Variants in HPSE observed in about 807,000 individuals in gnomAD.
HPSE encodes heparanase.
In HPSE, 48 loss-of-function variants were observed where a neutral mutation model predicts 65.1. The observed-to-expected ratio is 0.74, with a 90% CI of 0.58 to 0.94. The LOEUF (loss-of-function observed/expected upper bound fraction) is 0.94, where lower values mean the gene tolerates loss of function less well. HPSE is among the 40% of genes least tolerant of loss of function. The pLI is 0.00. For synonymous variants in HPSE, 243 were observed against 260.0 expected (o/e 0.93, Z 0.63); for missense variants, 644 against 637.5 (o/e 1.01, Z -0.11).
intron 3 of HPSE, among the ~76,000 whole-genome samples, chr4:83,314,328 A>G (rs986774237): frequency 1.6e-4 from 24 of 152,142 alleles, no homozygotes; most frequent in African/African-American, 5.8e-4. Flanking sequence ...GAAAAAAATT[A>G]TTTATCTGAA....
At chr4:83,297,598 G>C (rs971386618) in intron 11 of HPSE, among the ~76,000 whole-genome samples, 1 of 152,106 alleles carries the variant, frequency 6.6e-6, no homozygotes, top group East Asian at 1.9e-4. Context: ...TCCTCATTAA[G>C]CATCAGTGAG....
At chr4:83,298,399 G>A (rs1421753043) in intron 11 of HPSE, among the ~76,000 whole-genome samples, 2 of 152,128 alleles carry the variant, frequency 1.3e-5, no homozygotes, top group African/African-American at 2.4e-5. Flanking sequence ...CACTTTGGGC[G>A]GCTAAGGCAG....
At chr4:83,314,933 A>T (rs1463592390) in intron 3 of HPSE, among the ~76,000 whole-genome samples, 1 of 152,020 alleles carries the variant, frequency 6.6e-6, no homozygotes, top group East Asian at 1.9e-4. Context: ...AGGCAGGTGG[A>T]TCACCTGAGG....
chr4:83,306,154 G>C (rs1439549822), intron 9 of HPSE, 49 bp downstream of exon 9: 3 of 1,120,144 alleles, frequency 2.7e-6, no homozygotes, highest in East Asian at 2.4e-5. Flanking sequence ...GAGGTCCTGA[G>C]TTGACTTTAA....
chr4:83,301,130 A>G (rs1735933437), intron 10 of HPSE, 24 bp from the exon 11 acceptor site: 1 of 1,466,158 alleles, frequency 6.8e-7, no homozygotes, highest in African/African-American at 1.4e-5. Flanking sequence ...GGTTAACTTA[A>G]TAGAAATATG....
Position 83,306,277 on chromosome 4 carries a change from C to A in HPSE, c.1132G>T (p.Glu378Ter). Residue 378 changes from glutamate to a stop codon, truncating the protein, a stop_gained, in exon 9 of 12, where the codon GAA becomes TAA. Transcript: ENST00000311412. LOFTEE classifies it high-confidence loss of function. Reference sequence around the variant, plus strand: ...AAGAATACTTGCCTCATCACCACTTCTATTCCCATTCGGGCTGACAGGCCC... The same window carrying A: ...AAGAATACTTGCCTCATCACCACTTATATTCCCATTCGGGCTGACAGGCCC... ...KLGLSARMGI[E>*]VVMRQVFFGA... 6.2e-7 allele frequency: 1 copy of A among 1,613,926 alleles called. No individual in the cohort carries two copies. Among genetic ancestry groups the A allele is most frequent in the Non-Finnish European group, 8.5e-7 (1 of 1,179,786 alleles).
chr4:83,318,034 A>AT (rs1736722493), intron 3 of HPSE, among the ~76,000 whole-genome samples: 1 of 152,170 alleles, frequency 6.6e-6, no homozygotes, highest in Non-Finnish European at 1.5e-5. Context: ...TATGGAACAC[A>AT]TTTTTTTCTG....
chr4:83,312,862 A>AT (rs1403140649), intron 4 of HPSE, among the ~76,000 whole-genome samples: 1 of 134,922 alleles, frequency 7.4e-6, no homozygotes, highest in East Asian at 2.1e-4. Context: ...AAAAAAAAAA[A>AT]AAAAAAAAAA....
At chr4:83,325,057 G>A (rs1737090146) in intron 1 of HPSE, among the ~76,000 whole-genome samples, 1 of 151,840 alleles carries the variant, frequency 6.6e-6, no homozygotes, top group African/African-American at 2.4e-5. Context: ...CTAGATGGTA[G>A]ACTTTTTCAT....
intron 3 of HPSE, among the ~76,000 whole-genome samples, chr4:83,314,193 G>A (rs1430119217): frequency 6.6e-6 from 1 of 150,980 alleles, no homozygotes; most frequent in Admixed American, 6.6e-5. Flanking sequence ...GGGAGGTCAA[G>A]GCTGCAGTGA....
intron 11 of HPSE, among the ~76,000 whole-genome samples, chr4:83,300,327 A>G (rs994652477): frequency 6.6e-6 from 1 of 152,234 alleles, no homozygotes; most frequent in Non-Finnish European, 1.5e-5. Flanking sequence ...TTTGATAGCA[A>G]TTATATAAAG....
intron 1 of HPSE, among the ~76,000 whole-genome samples, chr4:83,324,644 A>T (rs1219318991): frequency 6.6e-6 from 1 of 152,234 alleles, no homozygotes; most frequent in Non-Finnish European, 1.5e-5. Flanking sequence ...GAAGGATGGC[A>T]TCTGTCATGG....
At position 83,293,111 on chromosome 4, in the gene HPSE, G is replaced by A. The variant is rs1347705182; in HGVS notation, c.*2233C>T. 6.6e-6 allele frequency: 1 copy of A among 152,144 alleles called. No individual in the cohort carries two copies. The highest frequency in any genetic ancestry group is 1.5e-5 in the Non-Finnish European group (1 of 68,036). The allele number at this position is 152,144 out of a possible 1,614,324, so 9.4% of individuals were successfully genotyped here. A position where few individuals can be genotyped will look rare whatever the true frequency, so the allele number is the denominator to read the frequency against. On this transcript the variant is annotated 3_prime_UTR_variant, in exon 12 of 12. Coordinates refer to ENST00000311412, the MANE Select transcript of HPSE (RefSeq NM_001098540.3). ...TTACATTTTTTCACTGGTAAAAAGC[G>A]CAGAACTGCAGTGTTCAGTTTGTAG...
intron 1 of HPSE, among the ~76,000 whole-genome samples, chr4:83,333,782 A>G (rs1453778248): frequency 6.6e-6 from 1 of 151,730 alleles, no homozygotes; most frequent in Non-Finnish European, 1.5e-5. Context: ...GTAGTCTCCT[A>G]GGTCTCATTT....
intron 3 of HPSE, among the ~76,000 whole-genome samples, chr4:83,318,495 G>A (rs886812629): frequency 7.2e-5 from 11 of 151,982 alleles, no homozygotes; most frequent in Admixed American, 1.3e-4. Context: ...TTAGCCGGTC[G>A]TGATGGTAGG....
At chr4:83,311,624 C>A (rs1736378263) in intron 4 of HPSE, among the ~76,000 whole-genome samples, 1 of 151,758 alleles carries the variant, frequency 6.6e-6, no homozygotes. Flanking sequence ...GGCAACACAA[C>A]CAGACAAAAG....
chr4:83,305,225 A>G (rs1056618663), intron 9 of HPSE, among the ~76,000 whole-genome samples: 5 of 152,244 alleles, frequency 3.3e-5, no homozygotes, highest in African/African-American at 1.2e-4. Flanking sequence ...TGGATGAGAT[A>G]AAAAGGTCAG....
intron 1 of HPSE, among the ~76,000 whole-genome samples, chr4:83,327,857 G>A (rs1737211070): frequency 6.6e-6 from 1 of 152,170 alleles, no homozygotes; most frequent in Admixed American, 6.5e-5. Flanking sequence ...CAGAGAGCCA[G>A]TTGTTAAACA....
intron 2 of HPSE, among the ~76,000 whole-genome samples, chr4:83,321,987 CTTTTTTTT>C (rs36002405): frequency 1.1e-5 from 1 of 92,558 alleles, no homozygotes; most frequent in South Asian, 4.5e-4. Context: ...TCCAGGACGC[CTTTTTTTT>C]TTTTTTTTTT....
Sources: gnomAD v4.1 joint callset for allele counts (sites outside exome capture counted in the v4.1 genomes callset) on GRCh38, gnomAD v4.1.1 for gene constraint, MANE v1.5 for transcripts, NCBI Gene and HGNC (gene_info 2026-07-23, HGNC 2026-07-21) for gene names.